IGSF11: variants seen among roughly 807,000 people sequenced by gnomAD.
The protein encoded by IGSF11 is immunoglobulin superfamily member 11.
Under a neutral mutation model 41.0 loss-of-function variants are expected in IGSF11, and 22 were observed. The observed-to-expected ratio is 0.54, with a 90% CI of 0.38 to 0.77. The LOEUF is 0.77. Ranked by LOEUF, IGSF11 falls within the 30% of genes least tolerant of loss-of-function variation. The pLI, the probability that IGSF11 is intolerant of heterozygous loss-of-function variation, is 0.00. For synonymous variants in IGSF11, 219 were observed against 201.3 expected (o/e 1.09, Z -0.74); for missense variants, 444 against 530.8 (o/e 0.84, Z 1.61).
At chr3:118,904,567 T>C (rs4687959) in intron 6 of IGSF11, 81 bp downstream of exon 6, 291,276 of 988,556 alleles carry the variant, frequency 0.29, 52,515 homozygotes, top group African/African-American at 0.73. Flanking sequence ...TTATGATTAG[T>C]AGATATATCT....
At chr3:118,962,806 G>A (rs1048764038) in intron 1 of IGSF11, among the ~76,000 whole-genome samples, 7 of 152,070 alleles carry the variant, frequency 4.6e-5, no homozygotes, top group Non-Finnish European at 1.0e-4. Flanking sequence ...ATGAGAATAA[G>A]AAGGAATAAC....
intron 2 of IGSF11, among the ~76,000 whole-genome samples, chr3:118,929,211 A>G (rs1053541482): frequency 3.3e-5 from 5 of 152,200 alleles, no homozygotes; most frequent in African/African-American, 1.2e-4. Flanking sequence ...AAGACTTAGA[A>G]TGACATAACA....
intron 1 of IGSF11, among the ~76,000 whole-genome samples, chr3:119,091,668 C>T (rs1006850557): frequency 1.3e-5 from 2 of 152,058 alleles, no homozygotes; most frequent in Non-Finnish European, 2.9e-5. Context: ...CACACATGGA[C>T]ATAAATATGG....
intron 1 of IGSF11, among the ~76,000 whole-genome samples, chr3:119,132,843 A>C (rs1159725560): frequency 6.6e-6 from 1 of 152,100 alleles, no homozygotes; most frequent in African/African-American, 2.4e-5. Context: ...AAATGTAAAA[A>C]AATGGAAATC....
intron 1 of IGSF11, among the ~76,000 whole-genome samples, chr3:119,044,139 A>C (rs1576719426): frequency 1.3e-5 from 2 of 152,340 alleles, no homozygotes; most frequent in Admixed American, 1.3e-4. Flanking sequence ...GGTGAAAAAC[A>C]ACTTAAAGAA....
chr3:118,933,055 C>G (rs542119385), intron 1 of IGSF11, among the ~76,000 whole-genome samples: 5 of 152,356 alleles, frequency 3.3e-5, no homozygotes, highest in African/African-American at 1.2e-4. Context: ...TGGCACAGAG[C>G]AAGCCTCTGG....
At position 118,982,875 on chromosome 3, in the gene IGSF11, A is replaced by G. The variant is rs552814918; in HGVS notation, c.52+51656T>C. Among the ~76,000 whole-genome samples, 35 of 152,328 alleles carry G rather than the reference A, an allele frequency of 2.3e-4. 1 individual carries two copies. In the East Asian group the frequency reaches 6.2e-3, roughly 27 times the overall value. On this transcript the variant is annotated intron_variant, in intron 1 of 6. Transcript: ENST00000393775. The stretch of plus-strand genomic sequence containing the variant: ...CACAAAGTTTATTTCTTGCCCATAC[A>G]ATGTCCTATATGCATTCAGAAGCTA...
chr3:119,013,113 T>C, intron 1 of IGSF11: 1 of 152,408 alleles, frequency 6.6e-6, no homozygotes, highest in South Asian at 2.1e-4. Flanking sequence ...TCCCATGCCC[T>C]CTCCTTTCCC....
intron 1 of IGSF11, among the ~76,000 whole-genome samples, chr3:118,932,807 C>T (rs1167804601): frequency 1.3e-5 from 2 of 152,202 alleles, no homozygotes; most frequent in African/African-American, 4.8e-5. Context: ...TGAGACAATA[C>T]TTCAAGGAAG....
intron 4 of IGSF11, among the ~76,000 whole-genome samples, chr3:118,913,012 A>G (rs1294652109): frequency 2.0e-5 from 3 of 152,052 alleles, no homozygotes; most frequent in African/African-American, 7.3e-5. Flanking sequence ...AAAAGAAGGA[A>G]AGAAAAGAAG....
chr3:119,004,996 G>A (rs1410032453), intron 1 of IGSF11, among the ~76,000 whole-genome samples: 1 of 150,622 alleles, frequency 6.6e-6, no homozygotes, highest in African/African-American at 2.5e-5. Context: ...GTGCAGAGCT[G>A]AGTTCAATTC....
At chr3:119,097,178 TC>T (rs1262775454) in intron 1 of IGSF11, among the ~76,000 whole-genome samples, 2 of 152,122 alleles carry the variant, frequency 1.3e-5, no homozygotes, top group African/African-American at 4.8e-5. Context: ...AATGCAGACA[TC>T]TTTGGGAGCC....
At chr3:119,067,522 G>C (rs1433368703) in intron 1 of IGSF11, among the ~76,000 whole-genome samples, 2 of 152,176 alleles carry the variant, frequency 1.3e-5, no homozygotes, top group Non-Finnish European at 2.9e-5. Context: ...TGTTTCCTAA[G>C]TTATCATGAG....
chr3:119,052,255 G>C (rs2107437238), intron 1 of IGSF11, among the ~76,000 whole-genome samples: 1 of 152,180 alleles, frequency 6.6e-6, no homozygotes, highest in South Asian at 2.1e-4. Context: ...CAAGGTGGGT[G>C]GATCACTTGA....
At chr3:119,068,440 T>C (rs1376535033) in intron 1 of IGSF11, among the ~76,000 whole-genome samples, 3 of 152,198 alleles carry the variant, frequency 2.0e-5, no homozygotes, top group Admixed American at 2.0e-4. Flanking sequence ...TAGCACTTCT[T>C]TTAGCTTCTT....
chr3:119,004,746 G>A (rs1190832170), intron 1 of IGSF11, among the ~76,000 whole-genome samples: 1 of 149,624 alleles, frequency 6.7e-6, no homozygotes, highest in African/African-American at 2.5e-5. Context: ...GGAGCAGGTT[G>A]TTCAGTTTCC....
chr3:119,122,685 G>A (rs1350148990), intron 1 of IGSF11, among the ~76,000 whole-genome samples: 1 of 152,158 alleles, frequency 6.6e-6, no homozygotes, highest in Non-Finnish European at 1.5e-5. Flanking sequence ...TGCATTTTGG[G>A]TACCAGCTCA....
intron 1 of IGSF11, among the ~76,000 whole-genome samples, chr3:118,978,675 T>C (rs1424788646): frequency 6.6e-6 from 1 of 152,182 alleles, no homozygotes; most frequent in African/African-American, 2.4e-5. Context: ...CCACTGATGC[T>C]GTTTATAGTC....
At chr3:119,128,615 A>G (rs905469054) in intron 1 of IGSF11, among the ~76,000 whole-genome samples, 1 of 152,214 alleles carries the variant, frequency 6.6e-6, no homozygotes, top group Non-Finnish European at 1.5e-5. Context: ...CTCTGACAAA[A>G]CAGATTTTAA....
Sources: allele counts gnomAD v4.1 joint callset (sites outside exome capture counted in the v4.1 genomes callset), GRCh38; gene constraint gnomAD v4.1.1; transcripts MANE v1.5; gene names NCBI Gene and HGNC (gene_info 2026-07-23, HGNC 2026-07-21).